Variants in PCDH9 observed in about 807,000 individuals in gnomAD.
PCDH9 encodes protocadherin-9.
A neutral mutation model predicts 70.6 loss-of-function variants in PCDH9; 24 were observed. The ratio of observed to expected loss-of-function variants is 0.34; its 90% confidence interval spans 0.25 to 0.48. PCDH9 has a LOEUF of 0.48. Among genes scored for constraint, PCDH9 ranks in the 20% least tolerant of loss-of-function variants. PCDH9 has a pLI of 0.99. For missense variants in PCDH9, 1,281 were observed against 1,503.6 expected (o/e 0.85, Z 2.45); for synonymous variants, 562 against 558.5 (o/e 1.01, Z -0.09).
intron 3 of PCDH9, among the ~76,000 whole-genome samples, chr13:66,740,253 C>A (rs1034647259): frequency 4.5e-5 from 6 of 132,032 alleles, no homozygotes; most frequent in Non-Finnish European, 6.4e-5. Context: ...GGGTACATAA[C>A]GAAATGAAGG....
chr13:67,097,768 C>T (rs1594508277), intron 2 of PCDH9, among the ~76,000 whole-genome samples: 1 of 151,974 alleles, frequency 6.6e-6, no homozygotes, highest in Admixed American at 6.5e-5. Context: ...AAACTACATA[C>T]CTCGAACTGA....
At chr13:66,462,133 A>T (rs1017033514) in intron 4 of PCDH9, among the ~76,000 whole-genome samples, 3 of 151,824 alleles carry the variant, frequency 2.0e-5, no homozygotes, top group Admixed American at 6.6e-5. Context: ...GCAGTGTTAC[A>T]AACCATGCTC....
chr13:66,808,555 T>C (rs2080447272), intron 3 of PCDH9, among the ~76,000 whole-genome samples: 1 of 152,196 alleles, frequency 6.6e-6, no homozygotes, highest in African/African-American at 2.4e-5. Flanking sequence ...TTAACAGATT[T>C]GAGGACGTGT....
intron 2 of PCDH9, chr13:66,990,780 T>G (rs1007103731): frequency 6.6e-6 from 1 of 151,748 alleles, no homozygotes; most frequent in African/African-American, 2.4e-5. Context: ...GTTTACTTAA[T>G]TTGATGTAAT....
intron 2 of PCDH9, among the ~76,000 whole-genome samples, chr13:67,064,860 C>T (rs1419666215): frequency 6.6e-6 from 1 of 151,612 alleles, no homozygotes; most frequent in African/African-American, 2.4e-5. Context: ...ATTTTTGTAT[C>T]TGTGTATGTG....
chr13:67,024,055 C>T (rs1419870909), intron 2 of PCDH9, among the ~76,000 whole-genome samples: 2 of 151,932 alleles, frequency 1.3e-5, no homozygotes, highest in Admixed American at 1.3e-4. Context: ...TTTTGTGCCT[C>T]AGCACTTCAG....
chr13:66,813,033 C>T (rs573864663), intron 3 of PCDH9, among the ~76,000 whole-genome samples: 12 of 152,326 alleles, frequency 7.9e-5, no homozygotes, highest in African/African-American at 2.9e-4. Context: ...TAATTCCTCA[C>T]ACCCATGAGT....
At chr13:66,801,869 T>C (rs775062211) in intron 3 of PCDH9, among the ~76,000 whole-genome samples, 22 of 152,002 alleles carry the variant, frequency 1.4e-4, no homozygotes, top group Non-Finnish European at 2.2e-4. Context: ...TAATATAAAA[T>C]CACTATAATC....
intron 4 of PCDH9, among the ~76,000 whole-genome samples, chr13:66,622,064 C>T (rs1272707103): frequency 1.3e-5 from 2 of 152,238 alleles, no homozygotes; most frequent in Non-Finnish European, 2.9e-5. Flanking sequence ...CCCTGTTGGC[C>T]CAGGGCAATG....
At position 67,061,498 on chromosome 13, in the gene PCDH9, A is replaced by G. The variant is rs188062852; in HGVS notation, c.3037-157893T>C. ...TAGAAGCTATGGTTTGAAAACTGGC[A>G]AGAAGCACATTTGAAATGACATCAT... On this transcript the variant is annotated intron_variant, in intron 2 of 4. Coordinates refer to ENST00000377865, the MANE Select transcript of PCDH9 (RefSeq NM_203487.3). 3.4e-3 allele frequency among the ~76,000 whole-genome samples: 520 copies of G among 152,218 alleles called. 2 individuals carry two copies. Among genetic ancestry groups the G allele is most frequent in the Non-Finnish European group, 6.2e-3 (419 of 68,004 alleles).
chr13:67,095,942 G>T (rs2086310469), intron 2 of PCDH9, among the ~76,000 whole-genome samples: 1 of 152,080 alleles, frequency 6.6e-6, no homozygotes, highest in Non-Finnish European at 1.5e-5. Context: ...CCATGCCAAG[G>T]CTGAAGCTGT....
chr13:66,306,424 T>C (rs1955466906), intron 4 of PCDH9: 1 of 150,506 alleles, frequency 6.6e-6, no homozygotes, highest in African/African-American at 2.4e-5. Context: ...GAATGTAGTT[T>C]TCCTGGGTAC....
intron 4 of PCDH9, among the ~76,000 whole-genome samples, chr13:66,508,900 C>T (rs1959322688): frequency 6.6e-6 from 1 of 152,064 alleles, no homozygotes; most frequent in Non-Finnish European, 1.5e-5. Flanking sequence ...ACACAGTCCC[C>T]ACCTCCTTCA....
intron 4 of PCDH9, among the ~76,000 whole-genome samples, chr13:66,586,053 C>A (rs1404925356): frequency 1.3e-5 from 2 of 152,106 alleles, no homozygotes; most frequent in African/African-American, 2.4e-5. Context: ...AAAGTTCTAG[C>A]TATGAGACAG....
rs147761984 is a variant in PCDH9, at chr13:66,962,392, C to T, written c.3037-58787G>A. Among the ~76,000 whole-genome samples, 218 of 128,664 alleles carry T rather than the reference C, an allele frequency of 1.7e-3. 4 individuals are homozygous for T. In the East Asian group the frequency reaches 0.045, roughly 27 times the overall value. 84.4% of individuals were successfully genotyped at this position (128,664 alleles called of 152,430 possible). ...AAGACACCTCCAAAGAAAAACACCACCAATGACAGTCATGTGTCACTTAAT... is the reference window on the plus strand; with the variant it reads ...AAGACACCTCCAAAGAAAAACACCATCAATGACAGTCATGTGTCACTTAAT... On this transcript the variant is annotated intron_variant, in intron 2 of 4. Coordinates refer to ENST00000377865, the MANE Select transcript of PCDH9 (RefSeq NM_203487.3).
intron 2 of PCDH9, among the ~76,000 whole-genome samples, chr13:67,144,559 C>A (rs1378043127): frequency 6.6e-6 from 1 of 152,098 alleles, no homozygotes; most frequent in South Asian, 2.1e-4. Flanking sequence ...ACATTAGATA[C>A]TTGCTAACTA....
intron 2 of PCDH9, among the ~76,000 whole-genome samples, chr13:67,028,539 G>A (rs1447913261): frequency 2.0e-5 from 3 of 151,350 alleles, no homozygotes; most frequent in Non-Finnish European, 4.4e-5. Flanking sequence ...TGTACATTGT[G>A]CACATGTACC....
chr13:67,219,808 A>T (rs926400159), intron 2 of PCDH9: 9 of 152,090 alleles, frequency 5.9e-5, no homozygotes, highest in Admixed American at 5.9e-4. Flanking sequence ...AATATATAAG[A>T]TATTAAATGA....
At position 66,854,328 on chromosome 13, in the gene PCDH9, C is replaced by A. The variant is rs562854332; in HGVS notation, c.3138+49176G>T. 3.3e-5 allele frequency among the ~76,000 whole-genome samples: 5 copies of A among 152,212 alleles called. No individual in the cohort carries two copies. In the South Asian group the frequency reaches 1.0e-3, roughly 32 times the overall value. ...TGACCTGACATTTCTTCAATAAATG[C>A]TTTCGTTATTATTTTTTATTATAAA... On this transcript the variant is annotated intron_variant, in intron 3 of 4. Transcript: ENST00000377865.
Sources: allele counts gnomAD v4.1 joint callset (sites outside exome capture counted in the v4.1 genomes callset), GRCh38; gene constraint gnomAD v4.1.1; transcripts MANE v1.5; gene names NCBI Gene and HGNC (gene_info 2026-07-23, HGNC 2026-07-21).